Variants in PVALEF observed in about 807,000 individuals in gnomAD.
The protein encoded by PVALEF is parvalbumin like EF-hand containing.
PVALEF carries 2 observed loss-of-function variants against 1.2 expected under a neutral mutation model. The ratio of observed to expected loss-of-function variants is 1.68; its 90% CI spans 0.69 to 5.28. The LOEUF (loss-of-function observed/expected upper bound fraction) is 5.28, where lower values mean the gene tolerates loss of function less well. Among genes scored for constraint, PVALEF ranks in the 30% most tolerant of loss-of-function variants. The probability of loss-of-function intolerance (pLI) is 0.06; values close to 1 mark genes in which losing one functional copy is unlikely to be tolerated. For synonymous variants in PVALEF, 16 were observed against 6.5 expected, an observed-to-expected ratio of 2.47 and a Z score of -2.24; for missense variants, 35 against 17.7, an observed-to-expected ratio of 1.97 and a Z score of -1.75.
At chr17:81,167,721 A>G (rs1475290845) in intron 2 of PVALEF, among the ~76,000 whole-genome samples, 5 of 152,246 alleles carry the variant, frequency 3.3e-5, no homozygotes, top group Non-Finnish European at 7.3e-5. Flanking sequence ...CCTGGGGCAG[A>G]AGGAGACAGG....
intron 2 of PVALEF, among the ~76,000 whole-genome samples, chr17:81,170,158 GGT>G (rs946631861): frequency 1.8e-4 from 27 of 148,874 alleles, no homozygotes; most frequent in African/African-American, 6.0e-4. Context: ...GTGCATATGT[GGT>G]GTGTGTGCAT....
intron 2 of PVALEF, among the ~76,000 whole-genome samples, chr17:81,167,853 G>A (rs1354003623): frequency 6.6e-6 from 1 of 152,240 alleles, no homozygotes; most frequent in South Asian, 2.1e-4. Flanking sequence ...AGGGGGCCTT[G>A]CCCGCAGGAG....
chr17:81,170,528 G>C (rs1374806376), intron 2 of PVALEF, among the ~76,000 whole-genome samples: 2 of 152,046 alleles, frequency 1.3e-5, no homozygotes, highest in Non-Finnish European at 2.9e-5. Context: ...ACATATTTTG[G>C]GGGGACACAA....
At chr17:81,166,989 G>C (rs545486816) in intron 2 of PVALEF, 145 bp downstream of exon 2, 4 of 307,620 alleles carry the variant, frequency 1.3e-5, no homozygotes, top group Non-Finnish European at 2.6e-5. Flanking sequence ...CGTGGGAGTC[G>C]GGAGAGTTAA....
intron 3 of PVALEF, among the ~76,000 whole-genome samples, chr17:81,179,997 C>T (rs1036469656): frequency 6.6e-6 from 1 of 152,184 alleles, no homozygotes; most frequent in Non-Finnish European, 1.5e-5. Context: ...GCAGCCTCCC[C>T]CGGCCGGACA....
chr17:81,173,252 C>T (rs1308266880), intron 2 of PVALEF, among the ~76,000 whole-genome samples: 1 of 152,202 alleles, frequency 6.6e-6, no homozygotes, highest in Non-Finnish European at 1.5e-5. Flanking sequence ...GCATGGTTCC[C>T]TGGCCCCTGC....
Position 81,181,150 on chromosome 17 carries a change from G to C in PVALEF, c.-77G>C. 1 of 693,838 alleles carries C rather than the reference G, an allele frequency of 1.4e-6. No homozygotes were observed. The highest frequency in any genetic ancestry group is 2.6e-6 in the Non-Finnish European group (1 of 380,326). The allele number at this position is 693,838 out of a possible 1,614,324, so 43.0% of individuals were successfully genotyped here. On this transcript the variant is annotated 5_prime_UTR_variant, in exon 4 of 7. Coordinates refer to ENST00000637878, the MANE Select transcript of PVALEF (RefSeq NM_001354639.2). ...GGATCCAGCACCACGCGGCGTCTAC[G>C]TCTGCTCTGGCCCAAGCAGCACCCC...
Position 81,182,978 on chromosome 17 carries a change from G to T in PVALEF, c.372G>T (p.Leu124Phe). 5.0e-6 allele frequency: 2 copies of T among 398,648 alleles called. No homozygotes were observed. The highest frequency in any genetic ancestry group is 8.8e-5 in the Admixed American group (2 of 22,744). 24.7% of individuals were successfully genotyped at this position (398,648 alleles called of 1,614,324 possible). A position where few individuals can be genotyped will look rare whatever the true frequency, so the allele number is the denominator to read the frequency against. Residue 124 changes from leucine to phenylalanine, a missense_variant, in exon 7 of 7, where the codon TTG becomes TTT. Transcript: ENST00000637878. ...CTCCTGCTCTAGAATTTTCTGAATT[G>T]ATCAAAAAGGAGAAAATTCCAAAGA... The part of the protein sequence containing the change: ...GRINYEEFSE[L>F]IKKEKIPKKK
rs542579741 is a variant in PVALEF at position 81,181,993 on chromosome 17, C to T, written c.270C>T (p.Ser90=). ...IKYILSIIPS[S]GPTTPLTDEE... The stretch of plus-strand genomic sequence containing the variant: ...ACATCCTGTCCATCATCCCCAGCAG[C>T]GGGCCCACCACCCCGCTGACAGACG... The change falls in exon 6 of 7, where the codon AGC becomes AGT. Residue 90 remains serine (S), a synonymous_variant. Transcript: ENST00000637878. 1.4e-3 allele frequency: 551 copies of T among 398,698 alleles called. 7 individuals carry two copies. The South Asian group carries it at 0.038, about 27-fold the overall frequency. 24.7% of individuals were successfully genotyped at this position (398,698 alleles called of 1,614,324 possible). A position where few individuals can be genotyped will look rare whatever the true frequency, so the allele number is the denominator to read the frequency against.
chr17:81,176,769 A>G (rs1308725059), intron 2 of PVALEF, among the ~76,000 whole-genome samples: 1 of 152,106 alleles, frequency 6.6e-6, no homozygotes, highest in Non-Finnish European at 1.5e-5. Flanking sequence ...TATCATCCCA[A>G]AAGAACTGAA....
chr17:81,169,121 C>T (rs112716379), intron 2 of PVALEF, among the ~76,000 whole-genome samples: 27 of 152,232 alleles, frequency 1.8e-4, no homozygotes, highest in African/African-American at 6.0e-4. Flanking sequence ...AGGGCCAGAG[C>T]CGGGAGAGGG....
intron 3 of PVALEF, among the ~76,000 whole-genome samples, chr17:81,180,779 C>A (rs890226238): frequency 6.6e-6 from 1 of 152,142 alleles, no homozygotes; most frequent in Non-Finnish European, 1.5e-5. Context: ...CTCAGCCCCA[C>A]TCGAGAACAC....
rs2061558590 is a variant in PVALEF, at chr17:81,182,572, C to A, written c.359-393C>A. Among the ~76,000 whole-genome samples, 4 of 152,202 alleles carry A rather than the reference C, an allele frequency of 2.6e-5. No individual in the cohort carries two copies. In the South Asian group the frequency reaches 8.3e-4, roughly 31 times the overall value. On this transcript the variant is annotated intron_variant, in intron 6 of 6. Coordinates refer to ENST00000637878, the MANE Select transcript of PVALEF (RefSeq NM_001354639.2). ...GGGGGTCACAAGGCTTGACAGGCAT[C>A]CTGACCCCTCTCAGAACTCAGGCCC...
intron 2 of PVALEF, among the ~76,000 whole-genome samples, chr17:81,169,813 T>C (rs1040749772): frequency 6.7e-6 from 1 of 150,086 alleles, no homozygotes; most frequent in African/African-American, 2.5e-5. Flanking sequence ...GGTATGTATA[T>C]GTGTGTCTGT....
chr17:81,172,950 A>C (rs1567836389), intron 2 of PVALEF, among the ~76,000 whole-genome samples: 1 of 152,012 alleles, frequency 6.6e-6, no homozygotes, highest in Non-Finnish European at 1.5e-5. Context: ...CACGAAGGAA[A>C]ACCTGTGGTT....
intron 2 of PVALEF, among the ~76,000 whole-genome samples, chr17:81,178,260 C>T (rs937843911): frequency 6.6e-6 from 1 of 152,192 alleles, no homozygotes; most frequent in Non-Finnish European, 1.5e-5. Flanking sequence ...GTAAGAGGCC[C>T]GGGCAGTCCT....
At chr17:81,182,135 G>A (rs77751732) in intron 6 of PVALEF, 54 bp downstream of exon 6, 30,266 of 398,388 alleles carry the variant, frequency 0.076, 1,603 homozygotes, top group East Asian at 0.2. Context: ...CTGCTAGGCC[G>A]CCACCCTTGC....
At chr17:81,165,919 C>A in intron 1 of PVALEF, 172 bp downstream of exon 1, 1 of 1,570,812 alleles carries the variant, frequency 6.4e-7, no homozygotes, top group Admixed American at 1.9e-5. Context: ...GCGCGCAGGC[C>A]GGGCCGCCAG....
At chr17:81,175,523 T>C (rs1017874624) in intron 2 of PVALEF, among the ~76,000 whole-genome samples, 1 of 152,206 alleles carries the variant, frequency 6.6e-6, no homozygotes, top group Non-Finnish European at 1.5e-5. Flanking sequence ...TCCTACTTCC[T>C]GTTTTCAAAA....
Sources: allele counts gnomAD v4.1 joint callset (sites outside exome capture counted in the v4.1 genomes callset), GRCh38; gene constraint gnomAD v4.1.1; transcripts MANE v1.5; gene names NCBI Gene and HGNC (gene_info 2026-07-23, HGNC 2026-07-21).